Variants in CFAP61 observed in about 807,000 individuals in gnomAD.
CFAP61 encodes cilia- and flagella-associated protein 61.
In CFAP61, 107 loss-of-function variants were observed where a neutral mutation model predicts 135.6. The ratio of observed to expected loss-of-function variants is 0.79; its 90% CI spans 0.67 to 0.93. CFAP61 has a LOEUF of 0.93. Among genes scored for constraint, CFAP61 ranks in the 40% least tolerant of loss-of-function variants. The pLI is 0.00. For missense variants in CFAP61, 1,507 were observed against 1,556.2 expected, an observed-to-expected ratio of 0.97 and a Z score of 0.53; for synonymous variants, 575 against 578.5, an observed-to-expected ratio of 0.99 and a Z score of 0.09.
At chr20:20,349,077 G>T (rs760323984) in intron 26 of CFAP61, among the ~76,000 whole-genome samples, 11 of 152,122 alleles carry the variant, frequency 7.2e-5, no homozygotes, top group Admixed American at 2.0e-4. Context: ...CAGGTGATGT[G>T]GTCCTAAAGA....
chr20:20,261,458 G>C (rs1442865589), intron 20 of CFAP61, among the ~76,000 whole-genome samples: 1 of 152,168 alleles, frequency 6.6e-6, no homozygotes, highest in Non-Finnish European at 1.5e-5. Flanking sequence ...CCTGAGTGCA[G>C]CAAGCCAGTG....
intron 4 of CFAP61, among the ~76,000 whole-genome samples, chr20:20,074,923 C>T (rs553918526): frequency 1.4e-4 from 21 of 152,306 alleles, no homozygotes; most frequent in African/African-American, 3.9e-4. Context: ...TAGCAGAAAT[C>T]TGGTGTGCCA....
At chr20:20,172,081 C>A in intron 13 of CFAP61, 1 of 530,078 alleles carries the variant, frequency 1.9e-6, no homozygotes, top group Non-Finnish European at 2.7e-6. Flanking sequence ...GTAGGTTGGG[C>A]ATGTGTCCAG....
chr20:20,286,231 C>T (rs967655937), intron 22 of CFAP61, among the ~76,000 whole-genome samples: 1 of 152,200 alleles, frequency 6.6e-6, no homozygotes, highest in African/African-American at 2.4e-5. Context: ...TGTTTTGTCC[C>T]CACATCAAAG....
At chr20:20,118,020 A>T (rs1463396644) in intron 8 of CFAP61, among the ~76,000 whole-genome samples, 1 of 152,158 alleles carries the variant, frequency 6.6e-6, no homozygotes, top group Non-Finnish European at 1.5e-5. Flanking sequence ...GTATAAGATC[A>T]CGTTGTCTGT....
Position 20,360,615 on chromosome 20 carries a change from G to A in CFAP61, c.*205G>A, listed in dbSNP as rs2059434111. ...ACACGGCCGTGTGCCTCTCTTCTGG[G>A]GCAGGCTCGCTTTACAAATCCCAGG... On this transcript the variant is annotated 3_prime_UTR_variant, in exon 27 of 27. Transcript: ENST00000245957. 1 of 580,314 alleles carries A rather than the reference G, an allele frequency of 1.7e-6. No individual in the cohort carries two copies. Among genetic ancestry groups the A allele is most frequent in the African/African-American group, 1.9e-5 (1 of 53,412 alleles). 35.9% of individuals were successfully genotyped at this position (580,314 alleles called of 1,614,324 possible).
intron 25 of CFAP61, among the ~76,000 whole-genome samples, chr20:20,303,875 C>T (rs1211803526): frequency 2.6e-5 from 4 of 152,188 alleles, no homozygotes; most frequent in African/African-American, 9.6e-5. Flanking sequence ...CAGTTCCTCT[C>T]CGCATTCAGA....
intron 25 of CFAP61, among the ~76,000 whole-genome samples, chr20:20,340,456 G>T (rs1301245889): frequency 6.6e-6 from 1 of 152,104 alleles, no homozygotes; most frequent in Non-Finnish European, 1.5e-5. Context: ...GTGTTTAGAT[G>T]GAGGGCCAGA....
rs991240019 is a variant in CFAP61 at position 20,352,501 on chromosome 20, G to A, written c.3514-7709G>A. Among the ~76,000 whole-genome samples, 4 of 152,198 alleles carry A rather than the reference G, an allele frequency of 2.6e-5. No individual in the cohort carries two copies. The South Asian group carries it at 6.2e-4, about 24-fold the overall frequency. On this transcript the variant is annotated intron_variant, in intron 26 of 26. Coordinates refer to ENST00000245957, the MANE Select transcript of CFAP61 (RefSeq NM_015585.4). ...CATAAAAACAGATAAATGTACCAGT[G>A]GGACAGGATAGAGAGTCATAAATAA...
At chr20:20,341,395 G>T (rs535450135) in intron 25 of CFAP61, among the ~76,000 whole-genome samples, 1 of 152,172 alleles carries the variant, frequency 6.6e-6, no homozygotes, top group Non-Finnish European at 1.5e-5. Flanking sequence ...CAGCACAAAG[G>T]CAGCCTGTTT....
intron 18 of CFAP61, among the ~76,000 whole-genome samples, chr20:20,238,060 T>C (rs1241484077): frequency 6.6e-6 from 1 of 152,210 alleles, no homozygotes; most frequent in Non-Finnish European, 1.5e-5. Flanking sequence ...CAAATTAAAT[T>C]AATGGCTCAG....
Position 20,074,301 on chromosome 20 carries a change from GC to G in CFAP61, c.298del (p.Leu100Ter). ...AATCCGTGTTCTCTCTTCTTCTGCA[GC>G]CCCTGAATACGTTGTTCATGCACCT... ...RELDSDIPCT[P>X]LNTLFMHLFV... On this transcript the variant is annotated frameshift_variant and splice_region_variant, in exon 4 of 27. Coordinates refer to ENST00000245957, the MANE Select transcript of CFAP61 (RefSeq NM_015585.4). LOFTEE classifies it high-confidence loss of function. 6.2e-7 allele frequency: 1 copy of G among 1,613,944 alleles called. No individual in the cohort carries two copies.
chr20:20,206,217 GTC>G (rs1308572467), intron 17 of CFAP61, among the ~76,000 whole-genome samples: 1 of 152,196 alleles, frequency 6.6e-6, no homozygotes, highest in Non-Finnish European at 1.5e-5. Flanking sequence ...TTATAGGACA[GTC>G]TCTCTCTTCC....
chr20:20,148,575 T>G (rs2052112650), intron 9 of CFAP61, among the ~76,000 whole-genome samples: 1 of 152,218 alleles, frequency 6.6e-6, no homozygotes, highest in Non-Finnish European at 1.5e-5. Context: ...TATTTGATTC[T>G]CAGCTTGGTC....
chr20:20,342,709 T>G (rs1367748556), intron 26 of CFAP61, among the ~76,000 whole-genome samples: 2 of 152,172 alleles, frequency 1.3e-5, no homozygotes, highest in Non-Finnish European at 2.9e-5. Flanking sequence ...TGGACGGCAC[T>G]GCTAGGGAGC....
intron 21 of CFAP61, among the ~76,000 whole-genome samples, chr20:20,264,321 C>A (rs1406946443): frequency 6.6e-6 from 1 of 152,070 alleles, no homozygotes; most frequent in African/African-American, 2.4e-5. Flanking sequence ...CTTTGGGGAT[C>A]TGAAATACAA....
Position 20,352,039 on chromosome 20 carries a change from G to A in CFAP61, c.3514-8171G>A, listed in dbSNP as rs79449958. 8.6e-3 allele frequency among the ~76,000 whole-genome samples: 1,303 copies of A among 152,076 alleles called. 9 individuals are homozygous for A. The highest frequency in any genetic ancestry group is 0.014 in the Non-Finnish European group (933 of 67,998). Reference sequence around the variant, plus strand: ...ACAGCATGTGTATTAGTCCATTTTCGCACTGTTATAAAGAACTTCCCTGAG... The same window carrying A: ...ACAGCATGTGTATTAGTCCATTTTCACACTGTTATAAAGAACTTCCCTGAG... On this transcript the variant is annotated intron_variant, in intron 26 of 26. Transcript: ENST00000245957.
intron 8 of CFAP61, among the ~76,000 whole-genome samples, chr20:20,100,434 A>G (rs1043651392): frequency 1.3e-5 from 2 of 152,110 alleles, no homozygotes; most frequent in African/African-American, 4.8e-5. Flanking sequence ...CAGCCTCCCA[A>G]AGTGCTGGGA....
chr20:20,124,869 AT>A (rs1049377965), intron 8 of CFAP61, among the ~76,000 whole-genome samples: 2 of 151,482 alleles, frequency 1.3e-5, no homozygotes, highest in Non-Finnish European at 2.9e-5. Context: ...TTTGTTGGTA[AT>A]TTTTAAATTA....
Sources: allele counts gnomAD v4.1 joint callset (sites outside exome capture counted in the v4.1 genomes callset), GRCh38; gene constraint gnomAD v4.1.1; transcripts MANE v1.5; gene names NCBI Gene and HGNC (gene_info 2026-07-23, HGNC 2026-07-21).